The following ZNF395 variants were observed in gnomAD, a reference collection of about 807,000 sequenced individuals.
ZNF395 encodes zinc finger protein 395, also known as HD gene regulatory region-binding protein 2.
A neutral mutation model predicts 57.7 loss-of-function variants in ZNF395; 20 were observed. That is an observed-to-expected ratio of 0.35 (90% CI 0.24 to 0.50). ZNF395 has a LOEUF of 0.50. Ranked by LOEUF, ZNF395 falls within the 20% of genes least tolerant of loss-of-function variation. The pLI is 0.97. For missense variants in ZNF395, 606 were observed against 671.2 expected, an observed-to-expected ratio of 0.90 and a Z score of 1.07; for synonymous variants, 295 against 275.9, an observed-to-expected ratio of 1.07 and a Z score of -0.69.
chr8:28,360,570 C>T (rs1801835579), intron 2 of ZNF395, among the ~76,000 whole-genome samples: 1 of 152,260 alleles, frequency 6.6e-6, no homozygotes, highest in Admixed American at 6.5e-5. Context: ...GCTAAAGTTG[C>T]AAACTGAGAC....
chr8:28,382,956 T>G (rs369367766), intron 1 of ZNF395, among the ~76,000 whole-genome samples: 1 of 152,244 alleles, frequency 6.6e-6, no homozygotes, highest in African/African-American at 2.4e-5. Context: ...TAGATTTTTA[T>G]ATACATGATT....
intron 1 of ZNF395, among the ~76,000 whole-genome samples, chr8:28,369,623 T>C (rs1801953542): frequency 6.6e-6 from 1 of 152,210 alleles, no homozygotes; most frequent in Non-Finnish European, 1.5e-5. Flanking sequence ...ACCGGGTCTC[T>C]TTCCTGCTCT....
rs1801785673 is a variant in ZNF395 at position 28,356,752 on chromosome 8, C to T, written c.501G>A (p.Glu167=). 2 of 1,614,244 alleles carry T rather than the reference C, an allele frequency of 1.2e-6. No homozygotes were observed. Among genetic ancestry groups the T allele is most frequent in the East Asian group, 4.5e-5 (2 of 44,882 alleles). Residue 167 remains glutamate, a synonymous_variant, in exon 4 of 10, where the codon GAG becomes GAA. Coordinates refer to ENST00000344423, the MANE Select transcript of ZNF395 (RefSeq NM_018660.3). The surrounding 1 kb of genome is among the most constrained non-coding windows in gnomAD (Gnocchi z 4.0). ...KRKSDAVEMD[E]MMAAMVLTSL... Reference sequence around the variant, plus strand: ...ACGTCAGCACCATGGCCGCCATCATCTCATCCATTTCCACTGCGTCCGACT... The same window carrying T: ...ACGTCAGCACCATGGCCGCCATCATTTCATCCATTTCCACTGCGTCCGACT...
intron 1 of ZNF395, among the ~76,000 whole-genome samples, chr8:28,376,256 AGT>A (rs1190251817): frequency 3.3e-5 from 5 of 152,072 alleles, no homozygotes; most frequent in African/African-American, 9.7e-5. Context: ...GACCACAGGT[AGT>A]CTCAAAGTGC....
At chr8:28,383,796 G>A (rs1802138923) in intron 1 of ZNF395, among the ~76,000 whole-genome samples, 1 of 151,876 alleles carries the variant, frequency 6.6e-6, no homozygotes, top group Non-Finnish European at 1.5e-5. Flanking sequence ...TCCCCCCTGG[G>A]CTCCCCCATC....
At chr8:28,354,750 T>C (rs1801759642) in intron 4 of ZNF395, among the ~76,000 whole-genome samples, 1 of 152,006 alleles carries the variant, frequency 6.6e-6, no homozygotes, top group African/African-American at 2.4e-5. Context: ...AGGGTACACC[T>C]TCAGGGCAGA....
intron 1 of ZNF395, among the ~76,000 whole-genome samples, chr8:28,381,384 T>C (rs1802108145): frequency 6.6e-6 from 1 of 152,126 alleles, no homozygotes; most frequent in Non-Finnish European, 1.5e-5. Context: ...GTCTCAACCA[T>C]GTTGCCCAGG....
Position 28,348,409 on chromosome 8 carries a change from CT to C in ZNF395, c.*309del. 1 of 370,410 alleles carries C rather than the reference CT, an allele frequency of 2.7e-6. No homozygotes were observed. Among genetic ancestry groups the C allele is most frequent in the South Asian group, 2.2e-5 (1 of 44,892 alleles). 22.9% of individuals were successfully genotyped at this position (370,410 alleles called of 1,614,324 possible). ...CTTTTGACACGCACAAGCTAATCCC[CT>C]AGAGAGTGGGGATGTGGGAAACGGA... On this transcript the variant is annotated 3_prime_UTR_variant, in exon 10 of 10. Coordinates refer to ENST00000344423, the MANE Select transcript of ZNF395 (RefSeq NM_018660.3).
Position 28,353,327 on chromosome 8 carries a change from C to G in ZNF395, c.665G>C (p.Ser222Thr), listed in dbSNP as rs770648077. Reference sequence around the variant, plus strand: ...GGGGGTGGAGACACCACTGCTCCCACTCCAGTGACCGCTGGTAGTGCTGCT... The same window carrying G: ...GGGGGTGGAGACACCACTGCTCCCAGTCCAGTGACCGCTGGTAGTGCTGCT... ...SGSSTTSGHW[S>T]GSSGVSTPSP... Residue 222 changes from serine to threonine, a missense_variant, in exon 5 of 10, where the codon AGT becomes ACT. By Grantham distance (58) the Ser-to-Thr change is moderately conservative. This residue lies in a region of ZNF395 where 309 missense variants were observed against 374.7 expected (regional missense o/e 0.82). Coordinates refer to ENST00000344423, the MANE Select transcript of ZNF395 (RefSeq NM_018660.3). 1 of 1,606,874 alleles carries G rather than the reference C, an allele frequency of 6.2e-7. No homozygotes were observed. The highest frequency in any genetic ancestry group is 1.1e-5 in the South Asian group (1 of 89,884).
rs899922601 is a variant in ZNF395 at position 28,356,122 on chromosome 8, C to T, written c.583+548G>A. 1.3e-5 allele frequency among the ~76,000 whole-genome samples: 2 copies of T among 152,220 alleles called. No homozygotes were observed. Among genetic ancestry groups the T allele is most frequent in the African/African-American group, 4.8e-5 (2 of 41,460 alleles). On this transcript the variant is annotated intron_variant, in intron 4 of 9. Coordinates refer to ENST00000344423, the MANE Select transcript of ZNF395 (RefSeq NM_018660.3). The surrounding 1 kb of genome is among the most constrained non-coding windows in gnomAD (Gnocchi z 4.0). Reference sequence around the variant, plus strand: ...TTGATAAAGTATTTTGGGGTTGCAACTATAGCAATTTTGTTTTAATAAATT... The same window carrying T: ...TTGATAAAGTATTTTGGGGTTGCAATTATAGCAATTTTGTTTTAATAAATT...
intron 1 of ZNF395, among the ~76,000 whole-genome samples, chr8:28,381,542 GTC>G (rs1802110026): frequency 6.6e-6 from 1 of 152,086 alleles, no homozygotes; most frequent in African/African-American, 2.4e-5. Context: ...CTATTTGTCA[GTC>G]TCTCTCACCA....
In ZNF395 at chr8:28,347,920, G is replaced by A. The variant is rs904436016; in HGVS notation, c.*799C>T. Reference sequence around the variant, plus strand: ...AGTTTCCAGACGCTCAAACCCTCCAGGAGTTCCTCGAGGAAAGAGGAGAGA... The same window carrying A: ...AGTTTCCAGACGCTCAAACCCTCCAAGAGTTCCTCGAGGAAAGAGGAGAGA... On this transcript the variant is annotated 3_prime_UTR_variant, in exon 10 of 10. Coordinates refer to ENST00000344423, the MANE Select transcript of ZNF395 (RefSeq NM_018660.3). 2.0e-5 allele frequency: 3 copies of A among 152,230 alleles called. No homozygotes were observed. The highest frequency in any genetic ancestry group is 7.2e-5 in the African/African-American group (3 of 41,448). The allele number at this position is 152,230 out of a possible 1,614,324, so 9.4% of individuals were successfully genotyped here. A position where few individuals can be genotyped will look rare whatever the true frequency, so the allele number is the denominator to read the frequency against.
At chr8:28,355,412 A>G (rs982207816) in intron 4 of ZNF395, among the ~76,000 whole-genome samples, 7 of 152,096 alleles carry the variant, frequency 4.6e-5, no homozygotes, top group African/African-American at 1.7e-4. Context: ...AAGATAAAAA[A>G]TATACTGTCA....
In ZNF395 at chr8:28,348,778, G is replaced by A. The variant is rs749151581; in HGVS notation, c.1483C>T (p.Arg495Trp). ...CGGCAGGCCGTGCACCACTGGTCCC[G>A]GTGCTCGATGCCATACACCTTGCGG... Reference protein sequence around the residue: ...KCRKVYGIEHRDQWCTACRWK... With the variant: ...KCRKVYGIEHWDQWCTACRWK... Residue 495 changes from arginine to tryptophan, a missense_variant, in exon 10 of 10, where the codon CGG becomes TGG. Transcript: ENST00000344423. 5.0e-6 allele frequency: 8 copies of A among 1,613,998 alleles called. No homozygotes were observed. Among genetic ancestry groups the A allele is most frequent in the African/African-American group, 1.3e-5 (1 of 74,930 alleles).
chr8:28,372,909 G>C (rs1801994398), intron 1 of ZNF395, among the ~76,000 whole-genome samples: 1 of 152,212 alleles, frequency 6.6e-6, no homozygotes, highest in Non-Finnish European at 1.5e-5. Context: ...TCAAGGCCAG[G>C]AGGGCCCCAA....
chr8:28,370,714 G>A (rs546360303), intron 1 of ZNF395, among the ~76,000 whole-genome samples: 94 of 152,300 alleles, frequency 6.2e-4, no homozygotes, highest in African/African-American at 2.2e-3. Flanking sequence ...CCGGGTGCTG[G>A]TGAGTTCTGC....
chr8:28,358,592 T>C (rs531563259), intron 3 of ZNF395, among the ~76,000 whole-genome samples: 1 of 152,124 alleles, frequency 6.6e-6, no homozygotes, highest in African/African-American at 2.4e-5. Context: ...AAAGCCACCA[T>C]ACCTGACTAA....
chr8:28,363,223 C>T (rs1801871886), intron 1 of ZNF395, among the ~76,000 whole-genome samples: 1 of 151,856 alleles, frequency 6.6e-6, no homozygotes, highest in African/African-American at 2.4e-5. Flanking sequence ...CCTCTGCCTC[C>T]TGGGTTCAAG....
intron 1 of ZNF395, among the ~76,000 whole-genome samples, chr8:28,362,936 T>C (rs1482308429): frequency 2.0e-5 from 3 of 152,020 alleles, no homozygotes; most frequent in Non-Finnish European, 4.4e-5. Flanking sequence ...TAAAATAATA[T>C]AAGGAAAAGG....
Sources: allele counts gnomAD v4.1 joint callset (sites outside exome capture counted in the v4.1 genomes callset), GRCh38; gene constraint gnomAD v4.1.1; regional missense constraint gnomAD v4.1.1; non-coding constraint Gnocchi (gnomAD v3.1); transcripts MANE v1.5; gene names NCBI Gene and HGNC (gene_info 2026-07-23, HGNC 2026-07-21).